Variants in IMMP2L observed in about 807,000 individuals in gnomAD.
IMMP2L encodes the protein inner mitochondrial membrane peptidase subunit 2.
In IMMP2L, 18 loss-of-function variants were observed where a neutral mutation model predicts 19.3. That is an observed-to-expected ratio of 0.93 (90% CI 0.64 to 1.38). The LOEUF is 1.38. Among genes scored for constraint, IMMP2L ranks in the 40% most tolerant of loss-of-function variants. The pLI, the probability that IMMP2L is intolerant of heterozygous loss-of-function variation, is 0.00. For missense variants in IMMP2L, 233 were observed against 218.2 expected (o/e 1.07, Z -0.43); for synonymous variants, 76 against 73.0 (o/e 1.04, Z -0.21).
intron 1 of IMMP2L, among the ~76,000 whole-genome samples, chr7:111,546,524 T>G (rs1848949583): frequency 6.6e-6 from 1 of 152,194 alleles, no homozygotes; most frequent in Non-Finnish European, 1.5e-5. Context: ...AAATCAGCTG[T>G]CTTCCTATGA....
chr7:111,270,758 A>C (rs1047945483), intron 3 of IMMP2L, among the ~76,000 whole-genome samples: 4 of 152,164 alleles, frequency 2.6e-5, no homozygotes, highest in Non-Finnish European at 4.4e-5. Context: ...TCTAATAAAA[A>C]CACAAGTATT....
intron 5 of IMMP2L, among the ~76,000 whole-genome samples, chr7:110,701,971 C>G (rs1473703646): frequency 6.6e-6 from 1 of 151,976 alleles, no homozygotes; most frequent in African/African-American, 2.4e-5. Context: ...GTGTCTCACT[C>G]TGTCATCTAG....
At chr7:111,274,766 A>T (rs1026946197) in intron 3 of IMMP2L, among the ~76,000 whole-genome samples, 4 of 152,212 alleles carry the variant, frequency 2.6e-5, no homozygotes, top group Admixed American at 1.3e-4. Context: ...AAAGACCCGT[A>T]TTTAAGCAAA....
At chr7:110,685,523 C>T (rs118126625) in intron 5 of IMMP2L, among the ~76,000 whole-genome samples, 1 of 152,100 alleles carries the variant, frequency 6.6e-6, no homozygotes, top group Non-Finnish European at 1.5e-5. Context: ...TATATCATAT[C>T]CCATTATTAA....
intron 1 of IMMP2L, among the ~76,000 whole-genome samples, chr7:111,548,982 C>G (rs1849198626): frequency 6.6e-6 from 1 of 152,068 alleles, no homozygotes. Context: ...AAGCTGACAA[C>G]TAGGTAATAA....
chr7:111,273,712 G>A (rs1393797917), intron 3 of IMMP2L, among the ~76,000 whole-genome samples: 1 of 152,032 alleles, frequency 6.6e-6, no homozygotes, highest in Admixed American at 6.6e-5. Flanking sequence ...AGAGGTTACG[G>A]TTAGGAACAT....
chr7:111,271,284 T>C (rs779660061), intron 3 of IMMP2L, among the ~76,000 whole-genome samples: 1 of 152,162 alleles, frequency 6.6e-6, no homozygotes, highest in Non-Finnish European at 1.5e-5. Context: ...CAATTAAACC[T>C]CTTCCTTTAT....
At chr7:111,275,423 T>C (rs1740689320) in intron 3 of IMMP2L, among the ~76,000 whole-genome samples, 1 of 152,198 alleles carries the variant, frequency 6.6e-6, no homozygotes, top group African/African-American at 2.4e-5. Context: ...AACTAGCATT[T>C]CTATACTTGG....
At chr7:111,175,701 C>T (rs937697345) in intron 3 of IMMP2L, among the ~76,000 whole-genome samples, 2 of 151,658 alleles carry the variant, frequency 1.3e-5, no homozygotes, top group African/African-American at 4.8e-5. Flanking sequence ...GGAAACTCTC[C>T]AGGACATAGG....
At chr7:111,108,504 C>T (rs917468660) in intron 3 of IMMP2L, among the ~76,000 whole-genome samples, 2 of 152,000 alleles carry the variant, frequency 1.3e-5, no homozygotes, top group Non-Finnish European at 2.9e-5. Flanking sequence ...AAAACTATAT[C>T]TCAAGTAAAA....
At chr7:110,741,203 A>T (rs1158540725) in intron 5 of IMMP2L, among the ~76,000 whole-genome samples, 1 of 152,200 alleles carries the variant, frequency 6.6e-6, no homozygotes, top group Non-Finnish European at 1.5e-5. Context: ...AAACTTTGAA[A>T]CTATTATTCT....
chr7:110,887,386 G>T (rs1009178394), intron 4 of IMMP2L, among the ~76,000 whole-genome samples: 1 of 150,876 alleles, frequency 6.6e-6, no homozygotes, highest in Non-Finnish European at 1.5e-5. Flanking sequence ...GCTATCTCAC[G>T]CAGTTTTTGT....
At position 111,113,271 on chromosome 7, in the gene IMMP2L, A is replaced by G. The variant is rs925336025; in HGVS notation, c.240-149706T>C. Among the ~76,000 whole-genome samples the G allele has an allele frequency of 4.6e-5, 7 of 152,244 alleles. No homozygotes were observed. In the East Asian group the frequency reaches 1.2e-3, roughly 25 times the overall value. On this transcript the variant is annotated intron_variant, in intron 3 of 5. Transcript: ENST00000405709. ...TGTCAAACTGAGTTAATCAAGGAATACAAATGAGTTGAAAACCTTTTTGCT... is the reference window on the plus strand; with the variant it reads ...TGTCAAACTGAGTTAATCAAGGAATGCAAATGAGTTGAAAACCTTTTTGCT...
At chr7:111,352,634 G>A (rs1828287832) in intron 3 of IMMP2L, among the ~76,000 whole-genome samples, 1 of 151,924 alleles carries the variant, frequency 6.6e-6, no homozygotes, top group Non-Finnish European at 1.5e-5. Flanking sequence ...AGTAATTTCT[G>A]CATATGCTCA....
intron 3 of IMMP2L, among the ~76,000 whole-genome samples, chr7:111,374,116 G>A (rs1229748238): frequency 6.6e-6 from 1 of 152,026 alleles, no homozygotes. Context: ...AATGGGAGCT[G>A]CTCTGAACTA....
intron 3 of IMMP2L, among the ~76,000 whole-genome samples, chr7:111,416,937 T>C (rs1835006189): frequency 6.6e-6 from 1 of 151,650 alleles, no homozygotes; most frequent in African/African-American, 2.4e-5. Flanking sequence ...ATAAATTAGA[T>C]ATATACTATC....
At chr7:111,359,678 G>GA (rs1298060359) in intron 3 of IMMP2L, among the ~76,000 whole-genome samples, 1 of 152,040 alleles carries the variant, frequency 6.6e-6, no homozygotes, top group Non-Finnish European at 1.5e-5. Context: ...ACTCCAAGCA[G>GA]AAACATGCTC....
intron 5 of IMMP2L, among the ~76,000 whole-genome samples, chr7:110,830,114 A>T (rs1803834441): frequency 6.6e-6 from 1 of 152,138 alleles, no homozygotes; most frequent in Admixed American, 6.6e-5. Context: ...TTTATCACTA[A>T]CATCCCAGGT....
At chr7:110,934,136 T>C (rs1485476795) in intron 4 of IMMP2L, among the ~76,000 whole-genome samples, 1 of 152,198 alleles carries the variant, frequency 6.6e-6, no homozygotes, top group Non-Finnish European at 1.5e-5. Context: ...AGTTTCCATG[T>C]AGTTGGGTGG....
Sources: gnomAD v4.1 joint callset for allele counts (sites outside exome capture counted in the v4.1 genomes callset) on GRCh38, gnomAD v4.1.1 for gene constraint, MANE v1.5 for transcripts, NCBI Gene and HGNC (gene_info 2026-07-23, HGNC 2026-07-21) for gene names.